Variants in AHRR observed in about 807,000 individuals in gnomAD.
AHRR encodes the protein aryl hydrocarbon receptor repressor.
AHRR carries 28 observed loss-of-function variants against 44.0 expected under a neutral mutation model. The ratio of observed to expected loss-of-function variants is 0.64; its 90% confidence interval spans 0.47 to 0.87. The LOEUF (loss-of-function observed/expected upper bound fraction) is 0.87, where lower values mean the gene tolerates loss of function less well. Ranked by LOEUF, AHRR falls within the 40% of genes least tolerant of loss-of-function variation. The pLI, the probability that AHRR is intolerant of heterozygous loss-of-function variation, is 0.00. For synonymous variants in AHRR, 434 were observed against 407.0 expected, an observed-to-expected ratio of 1.07 and a Z score of -0.80; for missense variants, 990 against 953.9, an observed-to-expected ratio of 1.04 and a Z score of -0.50.
intron 4 of AHRR, among the ~76,000 whole-genome samples, chr5:377,338 G>C (rs772066586): frequency 6.6e-6 from 1 of 152,204 alleles, no homozygotes; most frequent in Non-Finnish European, 1.5e-5. Flanking sequence ...GAATCCATTC[G>C]CCATTTTGAA....
chr5:394,212 C>T (rs111870546), intron 4 of AHRR, among the ~76,000 whole-genome samples: 12 of 152,350 alleles, frequency 7.9e-5, no homozygotes, highest in African/African-American at 2.6e-4. Context: ...TGCTCAGCTG[C>T]ATTCCTGCTG....
chr5:391,342 GGC>G, intron 4 of AHRR, among the ~76,000 whole-genome samples: 1 of 129,186 alleles, frequency 7.7e-6, no homozygotes, highest in African/African-American at 2.9e-5. Flanking sequence ...GGGCGAGGCG[GGC>G]GCAGGGCGAG....
At chr5:328,902 T>C (rs1355263917) in intron 1 of AHRR, among the ~76,000 whole-genome samples, 2 of 152,234 alleles carry the variant, frequency 1.3e-5, no homozygotes, top group Non-Finnish European at 2.9e-5. Flanking sequence ...TTAAGACCCA[T>C]ACTATAGTCT....
intron 4 of AHRR, among the ~76,000 whole-genome samples, chr5:381,506 C>CTTTTTTTTTTTTTTTTTTT (rs781159124): frequency 2.1e-5 from 1 of 46,914 alleles, no homozygotes; most frequent in Non-Finnish European, 3.8e-5. Flanking sequence ...CTTAGGTTTG[C>CTTTTTTTTTTTTTTTTTTT]TTTTTTTTTT....
At position 434,586 on chromosome 5, in the gene AHRR, T is replaced by G. The variant is rs1178223240; in HGVS notation, c.1846T>G (p.Cys616Gly). The G allele has an allele frequency of 1.0e-5, 16 of 1,574,442 alleles. No individual in the cohort carries two copies. Among genetic ancestry groups the G allele is most frequent in the Non-Finnish European group, 1.4e-5 (16 of 1,160,316 alleles). ...RELTPFHPAHCACLEPTDGLP... is the reference protein window; with the variant it reads ...RELTPFHPAHGACLEPTDGLP... Reference sequence around the variant, plus strand: ...GCTGACCCCTTTCCACCCTGCACACTGTGCCTGCCTGGAGCCCACAGACGG... The same window carrying G: ...GCTGACCCCTTTCCACCCTGCACACGGTGCCTGCCTGGAGCCCACAGACGG... The change falls in exon 11 of 11, where the codon TGT (cysteine) becomes GGT (glycine). Residue 616 changes from cysteine (C) to glycine (G), a missense_variant. Cys to Gly is a radical substitution (Grantham distance 159). Transcript: ENST00000684583.
At position 405,715 on chromosome 5, in the gene AHRR, C is replaced by T. The variant is rs573130390; in HGVS notation, c.352-7629C>T. ...CCGCCTGCGACCACCAGCTCCTCCGCTCTCTCCATCGGTCGTAACATCTTA... is the reference window on the plus strand; with the variant it reads ...CCGCCTGCGACCACCAGCTCCTCCGTTCTCTCCATCGGTCGTAACATCTTA... On this transcript the variant is annotated intron_variant, in intron 4 of 10. Transcript: ENST00000684583. This position sits in a 1 kb window ranked among gnomAD's most constrained non-coding sequence, Gnocchi z 4.5. 2.5e-4 allele frequency among the ~76,000 whole-genome samples: 38 copies of T among 152,388 alleles called. No homozygotes were observed. The highest frequency in any genetic ancestry group is 9.1e-4 in the African/African-American group (38 of 41,594).
At chr5:430,695 C>T (rs1432678370) in intron 8 of AHRR, among the ~76,000 whole-genome samples, 1 of 152,208 alleles carries the variant, frequency 6.6e-6, no homozygotes, top group Non-Finnish European at 1.5e-5. Flanking sequence ...GTGTTGGTTT[C>T]CACGTTCGTT....
rs766596616 is a variant in AHRR at position 423,911 on chromosome 5, G to A, written c.642G>A (p.Ser214=). 58 of 1,603,806 alleles carry A rather than the reference G, an allele frequency of 3.6e-5. 1 individual carries two copies. The highest frequency in any genetic ancestry group is 3.3e-4 in the Middle Eastern group (2 of 6,052). The change falls in exon 7 of 11, where the codon TCG becomes TCA. Residue 214 remains serine, a synonymous_variant. Coordinates refer to ENST00000684583, the MANE Select transcript of AHRR (RefSeq NM_001377236.1). Reference sequence around the variant, plus strand: ...GCACAGGCACGCCCACCGAGTACTCGGCCTTCCTGACCCGCTGCTTCATCT... The same window carrying A: ...GCACAGGCACGCCCACCGAGTACTCAGCCTTCCTGACCCGCTGCTTCATCT... The part of the protein sequence containing the change: ...EWGTGTPTEY[S]AFLTRCFICR...
chr5:409,667 T>C (rs34081763), intron 4 of AHRR, among the ~76,000 whole-genome samples: 1 of 151,880 alleles, frequency 6.6e-6, no homozygotes, highest in African/African-American at 2.4e-5. Context: ...TTTTTTTTTT[T>C]AATTGTTGAT....
At chr5:378,631 G>T (rs1733846934) in intron 4 of AHRR, among the ~76,000 whole-genome samples, 1 of 152,232 alleles carries the variant, frequency 6.6e-6, no homozygotes, top group Non-Finnish European at 1.5e-5. Context: ...TGCTAAGAGT[G>T]GGAGGATGGA....
At chr5:385,099 A>AAAAC (rs374731058) in intron 4 of AHRR, among the ~76,000 whole-genome samples, 1 of 152,202 alleles carries the variant, frequency 6.6e-6, no homozygotes, top group Non-Finnish European at 1.5e-5. Flanking sequence ...AGAAAAAACA[A>AAAAC]AAACAAACAA....
At chr5:376,021 C>G (rs1025332746) in intron 3 of AHRR, among the ~76,000 whole-genome samples, 13 of 109,452 alleles carry the variant, frequency 1.2e-4, no homozygotes, top group African/African-American at 7.0e-4. Flanking sequence ...CTGCGGTGTT[C>G]TGTGCGGCCC....
chr5:332,706 C>A (rs1294344505), intron 1 of AHRR, among the ~76,000 whole-genome samples: 1 of 152,146 alleles, frequency 6.6e-6, no homozygotes, highest in Non-Finnish European at 1.5e-5. Flanking sequence ...CAGTTGAAAT[C>A]CCATGTTTCT....
intron 1 of AHRR, among the ~76,000 whole-genome samples, chr5:324,859 G>A (rs1280351418): frequency 6.6e-6 from 1 of 152,178 alleles, no homozygotes; most frequent in African/African-American, 2.4e-5. Flanking sequence ...TGGGGAGGGG[G>A]TAGGCAGGCC....
chr5:389,756 G>A (rs6861344), intron 4 of AHRR, among the ~76,000 whole-genome samples: 30,381 of 151,756 alleles, frequency 0.2, 6,884 homozygotes, highest in African/African-American at 0.56. Context: ...GCACAGGCCC[G>A]CTCTGGCACC....
At chr5:376,109 G>GCGGCCCC (rs1266508020) in intron 3 of AHRR, among the ~76,000 whole-genome samples, 170 of 151,554 alleles carry the variant, frequency 1.1e-3, no homozygotes, top group Non-Finnish European at 1.6e-3. Context: ...CGATGCGGGT[G>GCGGCCCC]TGCAGGGCAC....
intron 2 of AHRR, among the ~76,000 whole-genome samples, chr5:347,530 A>G (rs1408738691): frequency 6.6e-6 from 1 of 152,212 alleles, no homozygotes; most frequent in Non-Finnish European, 1.5e-5. Context: ...GGGAAGAAAG[A>G]GGAAAAAAGA....
chr5:362,796 G>C (rs1743225811), intron 3 of AHRR, among the ~76,000 whole-genome samples: 1 of 152,172 alleles, frequency 6.6e-6, no homozygotes, highest in Non-Finnish European at 1.5e-5. Context: ...AGAAGAGCAG[G>C]GGCTCATTCA....
intron 4 of AHRR, chr5:403,694 TTAC>T: frequency 2.4e-6 from 2 of 816,444 alleles, no homozygotes; most frequent in South Asian, 1.8e-5. Context: ...TTTTTTTTTT[TTAC>T]TTTCTCTCAG....
Sources: allele counts gnomAD v4.1 joint callset (sites outside exome capture counted in the v4.1 genomes callset), GRCh38; gene constraint gnomAD v4.1.1; non-coding constraint Gnocchi (gnomAD v3.1); transcripts MANE v1.5; gene names NCBI Gene and HGNC (gene_info 2026-07-23, HGNC 2026-07-21).